Variants in PRKN observed in about 807,000 individuals in gnomAD.
The protein encoded by PRKN is E3 ubiquitin-protein ligase parkin.
Under a neutral mutation model 59.5 loss-of-function variants are expected in PRKN, and 56 were observed. That is an observed-to-expected ratio of 0.94 (90% CI 0.76 to 1.18). PRKN has a LOEUF of 1.18. PRKN is among the 50% of genes most tolerant of loss of function. The pLI, the probability that PRKN is intolerant of heterozygous loss-of-function variation, is 0.00. For synonymous variants in PRKN, 250 were observed against 222.1 expected, an observed-to-expected ratio of 1.13 and a Z score of -1.12; for missense variants, 657 against 596.4, an observed-to-expected ratio of 1.10 and a Z score of -1.06.
intron 5 of PRKN, among the ~76,000 whole-genome samples, chr6:162,050,755 G>A (rs920224339): frequency 6.6e-5 from 10 of 152,096 alleles, no homozygotes; most frequent in African/African-American, 2.2e-4. Flanking sequence ...CCAGAGGAGC[G>A]TGGTCCATGC....
rs1223724176 is a variant in PRKN, at chr6:161,578,807, A to C, written c.872-9391T>G. Among the ~76,000 whole-genome samples the C allele has an allele frequency of 6.6e-6, 1 of 152,114 alleles. No homozygotes were observed. The highest frequency in any genetic ancestry group is 1.5e-5 in the Non-Finnish European group (1 of 68,022). On this transcript the variant is annotated intron_variant, in intron 7 of 11. Coordinates refer to ENST00000366898, the MANE Select transcript of PRKN (RefSeq NM_004562.3). This position sits in a 1 kb window ranked among gnomAD's most constrained non-coding sequence, Gnocchi z 4.2. ...TAACAAAAGATGAAAAACACTTCTCATTTTTCTTATTTGTATGTCATTACA... is the reference window on the plus strand; with the variant it reads ...TAACAAAAGATGAAAAACACTTCTCCTTTTTCTTATTTGTATGTCATTACA...
chr6:162,122,398 A>G (rs1780951759), intron 4 of PRKN, among the ~76,000 whole-genome samples: 2 of 152,202 alleles, frequency 1.3e-5, no homozygotes, highest in Admixed American at 1.3e-4. Flanking sequence ...TGCAGGAGGC[A>G]GCAAACGGTC....
chr6:162,538,547 GA>G (rs1170154728), intron 1 of PRKN, among the ~76,000 whole-genome samples: 1 of 152,206 alleles, frequency 6.6e-6, no homozygotes, highest in Non-Finnish European at 1.5e-5. Flanking sequence ...ATGTGGTGCA[GA>G]AATTCATCCA....
intron 1 of PRKN, among the ~76,000 whole-genome samples, chr6:162,444,047 G>T (rs1790190355): frequency 1.3e-5 from 2 of 152,156 alleles, no homozygotes; most frequent in East Asian, 1.9e-4. Context: ...GGCAGGGAGG[G>T]GGTGGAGACA....
intron 10 of PRKN, among the ~76,000 whole-genome samples, chr6:161,382,111 C>CAAAAAAAAAAAAAAAAA (rs59174358): frequency 1.7e-4 from 8 of 46,274 alleles, no homozygotes; most frequent in Non-Finnish European, 2.3e-4. Flanking sequence ...GACTCCATCT[C>CAAAAAAAAAAAAAAAAA]AAAAAAAAAA....
chr6:161,743,530 C>T (rs1044342667), intron 7 of PRKN, among the ~76,000 whole-genome samples: 6 of 151,692 alleles, frequency 4.0e-5, no homozygotes, highest in Admixed American at 3.3e-4. Context: ...ATTACAGGCA[C>T]GAGCCACTGC....
At chr6:161,778,520 C>T (rs1362382665) in intron 7 of PRKN, among the ~76,000 whole-genome samples, 1 of 152,138 alleles carries the variant, frequency 6.6e-6, no homozygotes, top group Non-Finnish European at 1.5e-5. Flanking sequence ...AGCCAGTAGT[C>T]CCCACGGGGG....
chr6:162,600,451 T>C (rs1164838643), intron 1 of PRKN, among the ~76,000 whole-genome samples: 1 of 152,204 alleles, frequency 6.6e-6, no homozygotes, highest in Non-Finnish European at 1.5e-5. Flanking sequence ...TACAAGTCTT[T>C]TTGTGGACAT....
At chr6:161,853,147 T>C (rs753670467) in intron 6 of PRKN, among the ~76,000 whole-genome samples, 1 of 152,228 alleles carries the variant, frequency 6.6e-6, no homozygotes, top group Non-Finnish European at 1.5e-5. Flanking sequence ...AGGTGGAGGT[T>C]ATAAATTTGA....
chr6:162,594,033 C>A (rs1169291748), intron 1 of PRKN, among the ~76,000 whole-genome samples: 4 of 151,992 alleles, frequency 2.6e-5, no homozygotes, highest in African/African-American at 7.2e-5. Context: ...GCCTGTAATC[C>A]CAGCTACTAA....
At position 161,460,885 on chromosome 6, in the gene PRKN, G is replaced by A. The variant is rs552054765; in HGVS notation, c.1084-74008C>T. Among the ~76,000 whole-genome samples the A allele has an allele frequency of 1.1e-4, 16 of 151,798 alleles. No homozygotes were observed. The South Asian group carries it at 2.9e-3, about 28-fold the overall frequency. ...CTGCCTCGGCCTCCCAAGTAGCTGG[G>A]ACTACAGGTACGCACCACCACGCCC... On this transcript the variant is annotated intron_variant, in intron 9 of 11. Transcript: ENST00000366898. The surrounding 1 kb of genome is among the most constrained non-coding windows in gnomAD (Gnocchi z 5.0).
intron 6 of PRKN, among the ~76,000 whole-genome samples, chr6:161,889,603 G>C (rs958143226): frequency 6.6e-6 from 1 of 152,202 alleles, no homozygotes; most frequent in Non-Finnish European, 1.5e-5. Flanking sequence ...ACAGCTGCAG[G>C]GATTTGCAGT....
intron 3 of PRKN, among the ~76,000 whole-genome samples, chr6:162,245,013 T>G (rs1163673306): frequency 6.6e-6 from 1 of 152,104 alleles, no homozygotes; most frequent in African/African-American, 2.4e-5. Flanking sequence ...CGTAAAATAT[T>G]GTATCTCTCT....
intron 7 of PRKN, among the ~76,000 whole-genome samples, chr6:161,724,011 T>G (rs1003346602): frequency 1.3e-5 from 2 of 152,086 alleles, no homozygotes; most frequent in Non-Finnish European, 2.9e-5. Context: ...CCATTGTGAG[T>G]GTGTTTTAGA....
chr6:162,408,324 TG>T (rs971393874), intron 2 of PRKN, among the ~76,000 whole-genome samples: 1 of 150,740 alleles, frequency 6.6e-6, no homozygotes, highest in African/African-American at 2.4e-5. Context: ...CTTAAGTGAC[TG>T]CTTAGGTGAA....
intron 3 of PRKN, among the ~76,000 whole-genome samples, chr6:162,258,895 T>A (rs954018521): frequency 4.6e-5 from 7 of 152,216 alleles, no homozygotes; most frequent in Non-Finnish European, 8.8e-5. Flanking sequence ...TCACCTCTCA[T>A]GTTGACCACT....
intron 1 of PRKN, among the ~76,000 whole-genome samples, chr6:162,701,387 A>AAATG (rs1170203272): frequency 1.3e-5 from 2 of 152,112 alleles, no homozygotes; most frequent in African/African-American, 4.8e-5. Context: ...ATTAAAATGG[A>AAATG]AATGAACTTT....
At chr6:161,696,525 A>G (rs1421563078) in intron 7 of PRKN, among the ~76,000 whole-genome samples, 1 of 152,250 alleles carries the variant, frequency 6.6e-6, no homozygotes, top group African/African-American at 2.4e-5. Context: ...ATTCTTCTGC[A>G]AAGTTTCAAG....
At chr6:161,443,600 G>A (rs1789349249) in intron 9 of PRKN, among the ~76,000 whole-genome samples, 3 of 151,898 alleles carry the variant, frequency 2.0e-5, no homozygotes. Context: ...AATTATTAAT[G>A]GTAAATAGAT....
Sources: gnomAD v4.1 joint callset for allele counts (sites outside exome capture counted in the v4.1 genomes callset) on GRCh38, gnomAD v4.1.1 for gene constraint, Gnocchi (gnomAD v3.1) non-coding constraint, MANE v1.5 for transcripts, NCBI Gene and HGNC (gene_info 2026-07-23, HGNC 2026-07-21) for gene names.